Variants in TRIP13 observed in about 807,000 individuals in gnomAD.
The protein encoded by TRIP13 is pachytene checkpoint protein 2 homolog.
TRIP13 carries 25 observed loss-of-function variants against 54.4 expected under a neutral mutation model. That is an observed-to-expected ratio of 0.46 (90% CI 0.33 to 0.64). The LOEUF (loss-of-function observed/expected upper bound fraction) is 0.64, where lower values mean the gene tolerates loss of function less well. TRIP13 is among the 30% of genes least tolerant of loss of function. The probability of loss-of-function intolerance (pLI) is 0.02; values close to 1 mark genes in which losing one functional copy is unlikely to be tolerated. For synonymous variants in TRIP13, 207 were observed against 207.8 expected, an observed-to-expected ratio of 1.00 and a Z score of 0.03; for missense variants, 373 against 534.2, an observed-to-expected ratio of 0.70 and a Z score of 2.97.
intron 11 of TRIP13, among the ~76,000 whole-genome samples, chr5:914,807 G>A (rs1754311076): frequency 6.7e-6 from 1 of 149,908 alleles, no homozygotes; most frequent in Admixed American, 6.6e-5. Flanking sequence ...TGCTCAGGGA[G>A]GGCGCTGGCT....
At position 900,869 on chromosome 5, in the gene TRIP13, C is replaced by G. The variant is rs72703174; in HGVS notation, c.444+320C>G. On this transcript the variant is annotated intron_variant, in intron 4 of 12. Transcript: ENST00000166345. ...GGCCGGTGTGTCTTAACCCCTGCAC[C>G]CTCTTCAACGGGAAGGGTCTTTCCC... 6.1e-3 allele frequency among the ~76,000 whole-genome samples: 928 copies of G among 152,254 alleles called. 3 individuals carry two copies. The highest frequency in any genetic ancestry group is 9.7e-3 in the Non-Finnish European group (661 of 68,016).
At chr5:905,697 A>G (rs1438440570) in intron 6 of TRIP13, among the ~76,000 whole-genome samples, 9 of 152,190 alleles carry the variant, frequency 5.9e-5, no homozygotes, top group African/African-American at 2.2e-4. Context: ...TTTGCCTTAA[A>G]TGAGGTTTTC....
In TRIP13 at chr5:907,921, G is replaced by T; in HGVS notation, c.673-67G>T. On this transcript the variant is annotated intron_variant, in intron 7 of 12. Transcript: ENST00000166345. This position sits in a 1 kb window ranked among gnomAD's most constrained non-coding sequence, Gnocchi z 4.1. Reference sequence around the variant, plus strand: ...ACAACTGGGGCAGCAGGCCACATCAGGGTCCCCCTGTGCACCTGGCAGTGT... The same window carrying T: ...ACAACTGGGGCAGCAGGCCACATCATGGTCCCCCTGTGCACCTGGCAGTGT... 1.3e-6 allele frequency: 2 copies of T among 1,544,932 alleles called. No homozygotes were observed. Among genetic ancestry groups the T allele is most frequent in the South Asian group, 1.1e-5 (1 of 89,366 alleles).
chr5:901,272 A>T, intron 4 of TRIP13, 69 bp from the exon 5 acceptor site: 1 of 1,439,364 alleles, frequency 6.9e-7, no homozygotes, highest in Admixed American at 1.8e-5. Context: ...GCCCTGGGGG[A>T]GGGCACATTT....
At chr5:916,680 C>T (rs2150693267) in intron 12 of TRIP13, among the ~76,000 whole-genome samples, 1 of 152,304 alleles carries the variant, frequency 6.6e-6, no homozygotes, top group South Asian at 2.1e-4. Flanking sequence ...AGGGTGGGCC[C>T]TCCAGGGTCT....
In TRIP13 at chr5:908,646, T is replaced by A; in HGVS notation, c.866+185T>A. 7.0e-7 allele frequency: 1 copy of A among 1,425,696 alleles called. No individual in the cohort carries two copies. The highest frequency in any genetic ancestry group is 9.2e-7 in the Non-Finnish European group (1 of 1,088,780). 88.3% of individuals were successfully genotyped at this position (1,425,696 alleles called of 1,614,324 possible). ...ATATCACAAATGCTTTTTAAAGAAA[T>A]TGTTTTTAGTGTGTTAAAAATGTAA... On this transcript the variant is annotated intron_variant, in intron 9 of 12. Coordinates refer to ENST00000166345, the MANE Select transcript of TRIP13 (RefSeq NM_004237.4). This position sits in a 1 kb window ranked among gnomAD's most constrained non-coding sequence, Gnocchi z 5.2.
chr5:908,312 G>T lies in TRIP13; in HGVS notation c.760-43G>T, dbSNP rs569562258. ...GTATCCCCATAGCTGCCTGTGAAGT[G>T]CCAGGCCCTGTCCTTTTTGACCCCA... On this transcript the variant is annotated intron_variant, in intron 8 of 12. Coordinates refer to ENST00000166345, the MANE Select transcript of TRIP13 (RefSeq NM_004237.4). The surrounding 1 kb of genome is among the most constrained non-coding windows in gnomAD (Gnocchi z 5.2). The T allele has an allele frequency of 8.8e-6, 14 of 1,595,128 alleles. No homozygotes were observed. The highest frequency in any genetic ancestry group is 6.6e-5 in the South Asian group (6 of 90,842).
rs1248157903 is a variant in TRIP13, at chr5:912,651, AGT to A, written c.1020+659_1020+660del. Among the ~76,000 whole-genome samples, 2 of 139,336 alleles carry A rather than the reference AGT, an allele frequency of 1.4e-5. No individual in the cohort carries two copies. Among genetic ancestry groups the A allele is most frequent in the South Asian group, 2.4e-4 (1 of 4,224 alleles). 91.4% of individuals were successfully genotyped at this position (139,336 alleles called of 152,430 possible). On this transcript the variant is annotated intron_variant, in intron 10 of 12. Transcript: ENST00000166345. The surrounding 1 kb of genome is among the most constrained non-coding windows in gnomAD (Gnocchi z 7.2). ...CACGGGCACAATGACATGTGCGGTG[AGT>A]GTGAGTCAGTAAGGCCGTCGCCATG...
rs114214166 is a variant in TRIP13 at position 910,867 on chromosome 5, C to T, written c.867-976C>T. On this transcript the variant is annotated intron_variant, in intron 9 of 12. Transcript: ENST00000166345. ...CAACCTCTGTGCCTTGTTCCTCTGC[C>T]GGGGACCCACAGGCTCCCTGTCCTG... 4.4e-3 allele frequency among the ~76,000 whole-genome samples: 675 copies of T among 152,338 alleles called. 2 individuals are homozygous for T. Among genetic ancestry groups the T allele is most frequent in the Non-Finnish European group, 5.4e-3 (367 of 68,026 alleles).
Position 895,011 on chromosome 5 carries a change from T to C in TRIP13, c.258+59T>C, listed in dbSNP as rs1312511095. ...TAGCTGAATACAAAAGGTTGTATCA[T>C]GAATGTCTTGCCGTTTTCATAGCCT... On this transcript the variant is annotated intron_variant, in intron 2 of 12. Coordinates refer to ENST00000166345, the MANE Select transcript of TRIP13 (RefSeq NM_004237.4). The C allele has an allele frequency of 6.0e-6, 9 of 1,512,134 alleles. No individual in the cohort carries two copies. In the East Asian group the frequency reaches 1.7e-4, roughly 28 times the overall value. The allele number at this position is 1,512,134 out of a possible 1,614,324, so 93.7% of individuals were successfully genotyped here.
chr5:903,137 G>A (rs934031108), intron 5 of TRIP13, among the ~76,000 whole-genome samples: 6 of 151,892 alleles, frequency 4.0e-5, no homozygotes, highest in African/African-American at 1.5e-4. Flanking sequence ...TAAACTCCCC[G>A]GGGGAAAGGG....
rs1197425773 is a variant in TRIP13, at chr5:892,918, G to C, written c.-81G>C. 18 of 1,319,826 alleles carry C rather than the reference G, an allele frequency of 1.4e-5. No homozygotes were observed. Among genetic ancestry groups the C allele is most frequent in the Non-Finnish European group, 1.8e-5 (18 of 1,005,774 alleles). The allele number at this position is 1,319,826 out of a possible 1,614,324, so 81.8% of individuals were successfully genotyped here. ...GCTAGGGCGGGGCCCGCGGGCTGAGGCAGCGGCTGTGGCGGCGACGCTGGG... is the reference window on the plus strand; with the variant it reads ...GCTAGGGCGGGGCCCGCGGGCTGAGCCAGCGGCTGTGGCGGCGACGCTGGG... On this transcript the variant is annotated 5_prime_UTR_variant, in exon 1 of 13. Transcript: ENST00000166345.
chr5:894,963 A>G lies in TRIP13; in HGVS notation c.258+11A>G, dbSNP rs918266358. The G allele has an allele frequency of 1.3e-6, 2 of 1,595,952 alleles. No individual in the cohort carries two copies. The highest frequency in any genetic ancestry group is 2.2e-5 in the East Asian group (1 of 44,530). On this transcript the variant is annotated intron_variant, in intron 2 of 12. Transcript: ENST00000166345. ...GTTAAAGACTCACAGGTAAGTTACT[A>G]ATTTGCTGGGCCAAGGAACAGTTAG...
In TRIP13 at chr5:917,675, A is replaced by G. The variant is rs1474245005; in HGVS notation, c.*572A>G. On this transcript the variant is annotated 3_prime_UTR_variant, in exon 13 of 13. Coordinates refer to ENST00000166345, the MANE Select transcript of TRIP13 (RefSeq NM_004237.4). ...CAACTGAGAAAAAAATGGTCGGTAA[A>G]GTGTTCTTTCATAATAAATAATCAG... 1 of 152,322 alleles carries G rather than the reference A, an allele frequency of 6.6e-6. No individual in the cohort carries two copies. The highest frequency in any genetic ancestry group is 1.5e-5 in the Non-Finnish European group (1 of 68,104). The allele number at this position is 152,322 out of a possible 1,614,324, so 9.4% of individuals were successfully genotyped here. A position where few individuals can be genotyped will look rare whatever the true frequency, so the allele number is the denominator to read the frequency against.
chr5:907,053 C>A lies in TRIP13; in HGVS notation c.609-77C>A. 1 of 1,243,944 alleles carries A rather than the reference C, an allele frequency of 8.0e-7. No individual in the cohort carries two copies. The highest frequency in any genetic ancestry group is 1.2e-5 in the South Asian group (1 of 81,064). 77.1% of individuals were successfully genotyped at this position (1,243,944 alleles called of 1,614,324 possible). A position where few individuals can be genotyped will look rare whatever the true frequency, so the allele number is the denominator to read the frequency against. Reference sequence around the variant, plus strand: ...TGCTGGGCACTTGAGATGTTGCATTCAGGACGCGTGAATGGCTGCCGCTGA... The same window carrying A: ...TGCTGGGCACTTGAGATGTTGCATTAAGGACGCGTGAATGGCTGCCGCTGA... On this transcript the variant is annotated intron_variant, in intron 6 of 12. Transcript: ENST00000166345. The surrounding 1 kb of genome is among the most constrained non-coding windows in gnomAD (Gnocchi z 4.1).
chr5:902,867 C>T (rs1303059356), intron 5 of TRIP13, among the ~76,000 whole-genome samples: 1 of 152,136 alleles, frequency 6.6e-6, no homozygotes, highest in African/African-American at 2.4e-5. Context: ...CCCTGCCTGG[C>T]AGCTGAGGCA....
At chr5:904,692 G>A (rs896913299) in intron 6 of TRIP13, among the ~76,000 whole-genome samples, 1 of 150,626 alleles carries the variant, frequency 6.6e-6, no homozygotes, top group Non-Finnish European at 1.5e-5. Flanking sequence ...TTTTTTTTCA[G>A]TTCTTTAGAA....
chr5:910,431 C>A lies in TRIP13; in HGVS notation c.867-1412C>A, dbSNP rs149687404. Among the ~76,000 whole-genome samples the A allele has an allele frequency of 2.6e-3, 400 of 152,324 alleles. 2 individuals are homozygous for A. The highest frequency in any genetic ancestry group is 3.9e-3 in the Non-Finnish European group (264 of 68,028). On this transcript the variant is annotated intron_variant, in intron 9 of 12. Transcript: ENST00000166345. The stretch of plus-strand genomic sequence containing the variant: ...GGGAATCCCAGACCTGCACATCCAC[C>A]TGTGACCAGACATCAGGCTTAGATG...
chr5:901,840 C>G (rs1170805943), intron 5 of TRIP13, among the ~76,000 whole-genome samples: 1 of 152,120 alleles, frequency 6.6e-6, no homozygotes, highest in Non-Finnish European at 1.5e-5. Flanking sequence ...CCAGGCTGGT[C>G]TCAAACTCCT....
Sources: allele counts gnomAD v4.1 joint callset (sites outside exome capture counted in the v4.1 genomes callset), GRCh38; gene constraint gnomAD v4.1.1; non-coding constraint Gnocchi (gnomAD v3.1); transcripts MANE v1.5; gene names NCBI Gene and HGNC (gene_info 2026-07-23, HGNC 2026-07-21).